INPP5F: variants seen among roughly 807,000 people sequenced by gnomAD.
INPP5F encodes inositol polyphosphate-5-phosphatase F.
Under a neutral mutation model 137.2 loss-of-function variants are expected in INPP5F, and 97 were observed. The ratio of observed to expected loss-of-function variants is 0.71; its 90% CI spans 0.60 to 0.84. INPP5F has a LOEUF of 0.84. Among genes scored for constraint, INPP5F ranks in the 40% least tolerant of loss-of-function variants. The pLI, the probability that INPP5F is intolerant of heterozygous loss-of-function variation, is 0.00. For missense variants in INPP5F, 1,271 were observed against 1,371.9 expected, an observed-to-expected ratio of 0.93 and a Z score of 1.16; for synonymous variants, 504 against 476.9, an observed-to-expected ratio of 1.06 and a Z score of -0.74.
chr10:119,791,631 C>T lies in INPP5F; in HGVS notation c.430C>T (p.Pro144Ser), dbSNP rs143782151. 336 of 1,603,142 alleles carry T rather than the reference C, an allele frequency of 2.1e-4. 1 individual carries two copies. The highest frequency in any genetic ancestry group is 2.4e-4 in the Non-Finnish European group (283 of 1,171,754). The part of the protein sequence containing the change: ...FTHIKSNVSA[P>S]NKKKVKESKE... ...GCATATTAAATCCAATGTGTCTGCT[C>T]CTAATAAAAAGAAAGTAAGAGTTTA... Residue 144 changes from proline (P) to serine (S), a missense_variant, in exon 4 of 20, where the codon CCT becomes TCT. By Grantham distance (74) the Pro-to-Ser change is moderately conservative (BLOSUM62 -1). Coordinates refer to ENST00000650623, the MANE Select transcript of INPP5F (RefSeq NM_014937.4).
chr10:119,791,678 A>AC, intron 4 of INPP5F, 33 bp downstream of exon 4: 5 of 1,547,530 alleles, frequency 3.2e-6, no homozygotes, highest in Non-Finnish European at 4.4e-6. Context: ...CTTTGAATTC[A>AC]CCTTTGATTA....
intron 1 of INPP5F, among the ~76,000 whole-genome samples, chr10:119,749,235 G>A (rs560918122): frequency 1.6e-4 from 25 of 152,230 alleles, no homozygotes; most frequent in Non-Finnish European, 3.4e-4. Context: ...TGGAGCCTCT[G>A]CTGGCTGCAG....
chr10:119,805,568 C>G (rs796565547), intron 11 of INPP5F, 107 bp downstream of exon 11: 4 of 766,572 alleles, frequency 5.2e-6, no homozygotes, highest in African/African-American at 1.8e-5. Flanking sequence ...TTTTTTTGTT[C>G]GTTTTGCTTC....
chr10:119,811,232 T>G (rs1017050077), intron 14 of INPP5F, among the ~76,000 whole-genome samples: 1 of 152,226 alleles, frequency 6.6e-6, no homozygotes, highest in African/African-American at 2.4e-5. Context: ...TGCTTGTCTC[T>G]TTCCTGTGTA....
intron 2 of INPP5F, among the ~76,000 whole-genome samples, chr10:119,779,608 C>T (rs1849638554): frequency 6.6e-6 from 1 of 151,754 alleles, no homozygotes; most frequent in African/African-American, 2.4e-5. Flanking sequence ...TTTGTAGAAA[C>T]GAGGTCTCCA....
chr10:119,739,487 A>G (rs747176975), intron 1 of INPP5F, among the ~76,000 whole-genome samples: 12 of 152,190 alleles, frequency 7.9e-5, no homozygotes, highest in Non-Finnish European at 1.5e-4. Flanking sequence ...TTATTATTTG[A>G]TGCTTATTTT....
chr10:119,795,485 C>A (rs544236606), intron 6 of INPP5F, among the ~76,000 whole-genome samples: 1 of 151,732 alleles, frequency 6.6e-6, no homozygotes, highest in African/African-American at 2.4e-5. Flanking sequence ...CGATGGGCGG[C>A]CGGGCAGAGA....
chr10:119,752,031 A>G (rs1463106883), intron 2 of INPP5F, among the ~76,000 whole-genome samples: 1 of 152,216 alleles, frequency 6.6e-6, no homozygotes, highest in African/African-American at 2.4e-5. Context: ...TTATTTCTGT[A>G]TAATTGTGAG....
chr10:119,756,616 A>G (rs953888047), intron 2 of INPP5F, among the ~76,000 whole-genome samples: 1 of 152,202 alleles, frequency 6.6e-6, no homozygotes, highest in Non-Finnish European at 1.5e-5. Context: ...AGCCTGGGCT[A>G]CAGAGCAAGA....
At chr10:119,794,905 C>G (rs1344942302) in intron 6 of INPP5F, among the ~76,000 whole-genome samples, 1 of 125,234 alleles carries the variant, frequency 8.0e-6, no homozygotes, top group African/African-American at 2.9e-5. Flanking sequence ...GGGGGCTGAC[C>G]CCCCCACCTC....
chr10:119,823,768 T>G, intron 18 of INPP5F, 47 bp from the exon 19 acceptor site: 1 of 1,430,688 alleles, frequency 7.0e-7, no homozygotes, highest in Non-Finnish European at 9.8e-7. Flanking sequence ...CTATTTTTTT[T>G]AGTATGTTTA....
intron 2 of INPP5F, among the ~76,000 whole-genome samples, chr10:119,771,242 A>G (rs1849325104): frequency 6.6e-6 from 1 of 152,184 alleles, no homozygotes; most frequent in Non-Finnish European, 1.5e-5. Flanking sequence ...TTTTTCACTT[A>G]GCACAATGTT....
At chr10:119,788,300 G>A (rs1015471489) in intron 3 of INPP5F, among the ~76,000 whole-genome samples, 38 of 152,284 alleles carry the variant, frequency 2.5e-4, no homozygotes, top group African/African-American at 8.9e-4. Flanking sequence ...AGCAAAGGTA[G>A]TAGTAGTTAA....
chr10:119,826,918 A>T lies in INPP5F; in HGVS notation c.2537A>T (p.Glu846Val). ...NTGVMDKVQA[E>V]SDGDMSSDND... The stretch of plus-strand genomic sequence containing the variant: ...GGAGTGATGGATAAGGTTCAGGCAG[A>T]GTCTGATGGGGACATGTCTTCAGAT... Residue 846 changes from glutamate to valine, a missense_variant, in exon 20 of 20, where the codon GAG becomes GTG. Coordinates refer to ENST00000650623, the MANE Select transcript of INPP5F (RefSeq NM_014937.4). 6.2e-7 allele frequency: 1 copy of T among 1,614,094 alleles called. No homozygotes were observed. Among genetic ancestry groups the T allele is most frequent in the Non-Finnish European group, 8.5e-7 (1 of 1,179,916 alleles).
chr10:119,799,885 T>G (rs558968252), intron 9 of INPP5F, among the ~76,000 whole-genome samples: 1 of 152,266 alleles, frequency 6.6e-6, no homozygotes, highest in East Asian at 1.9e-4. Context: ...CTTCCCATGT[T>G]TTCAATGTAT....
chr10:119,755,039 A>G (rs1001254454), intron 2 of INPP5F, among the ~76,000 whole-genome samples: 3 of 152,162 alleles, frequency 2.0e-5, no homozygotes, highest in Admixed American at 1.3e-4. Context: ...CTTCTCACCT[A>G]GGGAGATGGG....
intron 9 of INPP5F, among the ~76,000 whole-genome samples, chr10:119,801,600 C>T (rs1850596159): frequency 6.6e-6 from 1 of 152,002 alleles, no homozygotes; most frequent in Non-Finnish European, 1.5e-5. Flanking sequence ...ATTAGCCAGG[C>T]CTGGTGGCAC....
At chr10:119,789,897 G>C (rs1356171770) in intron 3 of INPP5F, among the ~76,000 whole-genome samples, 1 of 151,870 alleles carries the variant, frequency 6.6e-6, no homozygotes, top group African/African-American at 2.4e-5. Context: ...CCAGTAGGAA[G>C]GAGCCAGGTG....
chr10:119,771,811 T>TGG (rs2134161208), intron 2 of INPP5F, among the ~76,000 whole-genome samples: 1 of 142,160 alleles, frequency 7.0e-6, no homozygotes, highest in East Asian at 2.0e-4. Flanking sequence ...ATTATATTTT[T>TGG]AATGTTTATC....
Sources: allele counts gnomAD v4.1 joint callset (sites outside exome capture counted in the v4.1 genomes callset), GRCh38; gene constraint gnomAD v4.1.1; transcripts MANE v1.5; gene names NCBI Gene and HGNC (gene_info 2026-07-23, HGNC 2026-07-21).